Variants in DNHD1 observed in about 807,000 individuals in gnomAD.
The protein encoded by DNHD1 is dynein heavy chain domain-containing protein 1.
In DNHD1, 383 loss-of-function variants were observed where a neutral mutation model predicts 458.1. The observed-to-expected ratio is 0.84, with a 90% CI of 0.77 to 0.91. DNHD1 has a LOEUF of 0.91. DNHD1 is among the 40% of genes least tolerant of loss of function. The pLI, the probability that DNHD1 is intolerant of heterozygous loss-of-function variation, is 0.00. For synonymous variants in DNHD1, 2,203 were observed against 2,376.9 expected (o/e 0.93, Z 2.13); for missense variants, 5,336 against 5,866.1 (o/e 0.91, Z 2.95).
chr11:6,510,394 T>G (rs1852314410), intron 6 of DNHD1, among the ~76,000 whole-genome samples: 1 of 152,178 alleles, frequency 6.6e-6, no homozygotes, highest in Non-Finnish European at 1.5e-5. Flanking sequence ...CTTCAAATTT[T>G]TATTAAAACA....
chr11:6,499,558 GTTTC>G (rs201829872), intron 3 of DNHD1, among the ~76,000 whole-genome samples: 4 of 151,908 alleles, frequency 2.6e-5, no homozygotes, highest in African/African-American at 9.6e-5. Flanking sequence ...TTTTTCTTTT[GTTTC>G]TTTCTTTCTT....
chr11:6,539,947 G>A lies in DNHD1; in HGVS notation c.3492G>A (p.Ala1164=), dbSNP rs1039587516. ...GGCGGTTGCAGCGGTACTGGGAAGC[G>A]CGCCAGCTGCGCCTGCTCAACTTCA... is the stretch of plus-strand genomic sequence containing the variant. ...TIRRLQRYWE[A]RQLRLLNFIL... The change falls in exon 18 of 43, where the codon GCG becomes GCA. Residue 1164 remains alanine, a synonymous_variant. Coordinates refer to ENST00000254579, the MANE Select transcript of DNHD1 (RefSeq NM_144666.3). 32 of 1,551,600 alleles carry A rather than the reference G, an allele frequency of 2.1e-5. No individual in the cohort carries two copies. Among genetic ancestry groups the A allele is most frequent in the Middle Eastern group, 1.7e-4 (1 of 6,014 alleles).
intron 28 of DNHD1, 69 bp from the exon 29 acceptor site, chr11:6,562,913 A>G: frequency 2.0e-6 from 3 of 1,502,224 alleles, no homozygotes; most frequent in Non-Finnish European, 2.7e-6. Flanking sequence ...TTCCAGGATC[A>G]TAGGGTCTTC....
Position 6,571,141 on chromosome 11 carries a change from C to A in DNHD1, c.13629C>A (p.Ala4543=). 2 of 1,601,124 alleles carry A rather than the reference C, an allele frequency of 1.2e-6. No homozygotes were observed. The highest frequency in any genetic ancestry group is 1.7e-6 in the Non-Finnish European group (2 of 1,175,380). ...TGCCTTGGCGACCTCATGCGCCGGC[C>A]GGTCCGCAGCCGCCCTGGCACTGGC... is the stretch of plus-strand genomic sequence containing the variant. ...LPLPWRPHAP[A]GPQPPWHWLR... The change falls in exon 42 of 43, where the codon GCC becomes GCA. Residue 4543 remains alanine (A), a synonymous_variant. Coordinates refer to ENST00000254579, the MANE Select transcript of DNHD1 (RefSeq NM_144666.3). This position sits in a 1 kb window ranked among gnomAD's most constrained non-coding sequence, Gnocchi z 5.0.
chr11:6,563,315 A>C, intron 29 of DNHD1, 67 bp from the exon 30 acceptor site: 1 of 1,531,452 alleles, frequency 6.5e-7, no homozygotes, highest in African/African-American at 1.4e-5. Flanking sequence ...GATTCCCCTA[A>C]AAACACCTTG....
rs200680959 is a variant in DNHD1 at position 6,570,278 on chromosome 11, C to T, written c.12987C>T (p.Asp4329=). Residue 4329 remains aspartate (D), a synonymous_variant, in exon 41 of 43, where the codon GAC becomes GAT. Transcript: ENST00000254579. ...ASVFYGGPLG[D]TEDREALISL... is the part of the protein sequence containing the mutation. Reference sequence around the variant, plus strand: ...TTTTCTACGGGGGTCCTCTGGGGGACACTGAGGACAGGGAGGCCCTGATTA... The same window carrying T: ...TTTTCTACGGGGGTCCTCTGGGGGATACTGAGGACAGGGAGGCCCTGATTA... 4.0e-4 allele frequency: 652 copies of T among 1,613,650 alleles called. No homozygotes were observed. Among genetic ancestry groups the T allele is most frequent in the Middle Eastern group, 6.6e-4 (4 of 6,082 alleles).
At chr11:6,518,746 A>T (rs1244235543) in intron 7 of DNHD1, among the ~76,000 whole-genome samples, 1 of 152,168 alleles carries the variant, frequency 6.6e-6, no homozygotes, top group Non-Finnish European at 1.5e-5. Context: ...AAAACATCTC[A>T]CTTAGTCTCA....
At chr11:6,554,633 T>TA (rs1853424101) in intron 24 of DNHD1, among the ~76,000 whole-genome samples, 3 of 152,202 alleles carry the variant, frequency 2.0e-5, no homozygotes. Context: ...ACAAAAGACT[T>TA]ACACTTCACA....
rs1589892283 is a variant in DNHD1 at position 6,557,944 on chromosome 11, G to A, written c.8649G>A (p.Arg2883=). The A allele has an allele frequency of 3.2e-6, 5 of 1,551,410 alleles. No homozygotes were observed. Among genetic ancestry groups the A allele is most frequent in the African/African-American group, 1.4e-5 (1 of 73,026 alleles). The change falls in exon 25 of 43, where the codon CGG becomes CGA. Residue 2883 remains arginine (R), a synonymous_variant. Coordinates refer to ENST00000254579, the MANE Select transcript of DNHD1 (RefSeq NM_144666.3). The stretch of plus-strand genomic sequence containing the variant: ...TGGTCCGGGTGCTGGCCAGGCCCCG[G>A]CAGCATGGCCTGCTGCTCTCGGGGG... ...ARLVRVLARP[R]QHGLLLSGAL...
chr11:6,548,137 G>A lies in DNHD1; in HGVS notation c.6906-73G>A. On this transcript the variant is annotated intron_variant, in intron 22 of 42. Transcript: ENST00000254579. The surrounding 1 kb of genome is among the most constrained non-coding windows in gnomAD (Gnocchi z 4.4). ...ATGACATCACTGTTAGGGTATGGTG[G>A]AGTGTGTGAGTGTGTCATAAATGGA... 6.5e-7 allele frequency: 1 copy of A among 1,542,382 alleles called. No homozygotes were observed. The highest frequency in any genetic ancestry group is 8.8e-7 in the Non-Finnish European group (1 of 1,138,876).
chr11:6,564,233 G>A (rs531367957), intron 31 of DNHD1, 100 bp from the exon 32 acceptor site: 40 of 1,452,360 alleles, frequency 2.8e-5, no homozygotes, highest in Admixed American at 2.3e-4. Flanking sequence ...ACTCCTTGCC[G>A]TACTTTCCTC....
chr11:6,520,384 A>G lies in DNHD1; in HGVS notation c.1837+95A>G, dbSNP rs568555346. 4 of 1,546,774 alleles carry G rather than the reference A, an allele frequency of 2.6e-6. No homozygotes were observed. In the East Asian group the frequency reaches 9.8e-5, roughly 38 times the overall value. On this transcript the variant is annotated intron_variant, in intron 10 of 42. Coordinates refer to ENST00000254579, the MANE Select transcript of DNHD1 (RefSeq NM_144666.3). ...GGGAAGAAGGCAGGAGGTCCAGGCT[A>G]TAGAGTCAGGCACTGGGTGTGGATG...
At position 6,556,691 on chromosome 11, in the gene DNHD1, A is replaced by C. The variant is rs1051691880; in HGVS notation, c.7396A>C (p.Lys2466Gln). 4 of 1,542,336 alleles carry C rather than the reference A, an allele frequency of 2.6e-6. No homozygotes were observed. In the African/African-American group the frequency reaches 5.5e-5, roughly 21 times the overall value. The part of the protein sequence containing the change: ...DLHLATSDPE[K>Q]SCQPVLETLR... ...TTCCTCATGTCCCATAGACCCAGAG[A>C]AGAGCTGCCAGCCAGTGTTGGAGAC... is the stretch of plus-strand genomic sequence containing the variant. Residue 2466 changes from lysine (K) to glutamine (Q), a missense_variant, in exon 25 of 43, where the codon AAG becomes CAG. Physicochemically the swap from Lys to Gln is moderately conservative, Grantham distance 53. Coordinates refer to ENST00000254579, the MANE Select transcript of DNHD1 (RefSeq NM_144666.3).
Position 6,548,107 on chromosome 11 carries a change from C to T in DNHD1, c.6905+67C>T. Reference sequence around the variant, plus strand: ...ATGGACTGGCCCATGGAAGTAAAAACCCACATGACATCACTGTTAGGGTAT... The same window carrying T: ...ATGGACTGGCCCATGGAAGTAAAAATCCACATGACATCACTGTTAGGGTAT... On this transcript the variant is annotated intron_variant, in intron 22 of 42. Transcript: ENST00000254579. The surrounding 1 kb of genome is among the most constrained non-coding windows in gnomAD (Gnocchi z 4.4). 4 of 1,547,454 alleles carry T rather than the reference C, an allele frequency of 2.6e-6. No individual in the cohort carries two copies. Among genetic ancestry groups the T allele is most frequent in the Non-Finnish European group, 3.5e-6 (4 of 1,143,218 alleles).
rs375312511 is a variant in DNHD1, at chr11:6,533,732, G to A, written c.2557G>A (p.Val853Ile). ...YVELEERMEYVRALHELIRNH... is the reference protein window; with the variant it reads ...YVELEERMEYIRALHELIRNH... ...CGAGCTGGAGGAGCGAATGGAATAC[G>A]TACGGGCACTCCACGAACTCATCCG... Residue 853 changes from valine to isoleucine, a missense_variant, in exon 14 of 43, where the codon GTA becomes ATA. Val to Ile is a conservative substitution (Grantham distance 29). This residue lies in a region of DNHD1 where 3,932 missense variants were observed against 4,365.6 expected (regional missense o/e 0.90). Coordinates refer to ENST00000254579, the MANE Select transcript of DNHD1 (RefSeq NM_144666.3). 151 of 1,551,384 alleles carry A rather than the reference G, an allele frequency of 9.7e-5. No homozygotes were observed. Among genetic ancestry groups the A allele is most frequent in the Middle Eastern group, 1.7e-4 (1 of 6,014 alleles).
At chr11:6,528,367 T>C (rs1460930762) in intron 10 of DNHD1, among the ~76,000 whole-genome samples, 155 bp from the exon 11 acceptor site, 2 of 152,088 alleles carry the variant, frequency 1.3e-5, no homozygotes, top group African/African-American at 4.8e-5. Flanking sequence ...GTTTGTGATA[T>C]AGATGTATGT....
chr11:6,562,571 A>C (rs1853607140), intron 28 of DNHD1, among the ~76,000 whole-genome samples: 1 of 152,168 alleles, frequency 6.6e-6, no homozygotes, highest in African/African-American at 2.4e-5. Flanking sequence ...GAGGAAGAGA[A>C]TGAGAAAGAG....
chr11:6,540,006 A>G lies in DNHD1; in HGVS notation c.3551A>G (p.Glu1184Gly). 6.4e-7 allele frequency: 1 copy of G among 1,551,602 alleles called. No individual in the cohort carries two copies. Among genetic ancestry groups the G allele is most frequent in the Non-Finnish European group, 8.7e-7 (1 of 1,146,864 alleles). ...GTACCCTACGAGCCCCCAGCCTCAGAGCGCTCCAAGAGGCAGGTGCTCCGC... is the reference window on the plus strand; with the variant it reads ...GTACCCTACGAGCCCCCAGCCTCAGGGCGCTCCAAGAGGCAGGTGCTCCGC... Reference protein sequence around the residue: ...LHVPYEPPASERSKRQVLRSP... With the variant: ...LHVPYEPPASGRSKRQVLRSP... Residue 1184 changes from glutamate to glycine, a missense_variant, in exon 18 of 43, where the codon GAG becomes GGG. Physicochemically the swap from Glu to Gly is moderately conservative, Grantham distance 98. Coordinates refer to ENST00000254579, the MANE Select transcript of DNHD1 (RefSeq NM_144666.3).
chr11:6,570,171 A>G (rs779551813), intron 40 of DNHD1, 71 bp downstream of exon 40: 3 of 1,613,538 alleles, frequency 1.9e-6, no homozygotes, highest in Non-Finnish European at 2.5e-6. Context: ...GGGGTGGGAT[A>G]CAATTCACAG....
Sources: allele counts gnomAD v4.1 joint callset (sites outside exome capture counted in the v4.1 genomes callset), GRCh38; gene constraint gnomAD v4.1.1; regional missense constraint gnomAD v4.1.1; non-coding constraint Gnocchi (gnomAD v3.1); transcripts MANE v1.5; gene names NCBI Gene and HGNC (gene_info 2026-07-23, HGNC 2026-07-21).